Variants in PPP3CA observed in about 807,000 individuals in gnomAD.
PPP3CA encodes protein phosphatase 3 catalytic subunit alpha, also known as CAM-PRP catalytic subunit.
A neutral mutation model predicts 66.5 loss-of-function variants in PPP3CA; 14 were observed. The observed-to-expected ratio is 0.21, with a 90% CI of 0.14 to 0.33. The LOEUF is 0.33. Among genes scored for constraint, PPP3CA ranks in the 10% least tolerant of loss-of-function variants. The pLI is 1.00. For synonymous variants in PPP3CA, 232 were observed against 226.2 expected (o/e 1.03, Z -0.23); for missense variants, 317 against 639.5 (o/e 0.50, Z 5.44).
Position 101,243,623 on chromosome 4 carries a change from G to A in PPP3CA, c.59-47507C>T, listed in dbSNP as rs532100867. 7.2e-5 allele frequency among the ~76,000 whole-genome samples: 11 copies of A among 152,220 alleles called. No homozygotes were observed. The East Asian group carries it at 1.5e-3, about 21-fold the overall frequency. Reference sequence around the variant, plus strand: ...AGAAATGATTTCAAATATATACAAGGATATCCACAGGTTACATGCAAATAC... The same window carrying A: ...AGAAATGATTTCAAATATATACAAGAATATCCACAGGTTACATGCAAATAC... On this transcript the variant is annotated intron_variant, in intron 1 of 13. Transcript: ENST00000394854.
intron 2 of PPP3CA, among the ~76,000 whole-genome samples, chr4:101,160,360 T>C (rs796373357): frequency 4.6e-5 from 7 of 152,236 alleles, no homozygotes; most frequent in African/African-American, 1.7e-4. Flanking sequence ...TTTGCCCCCA[T>C]TTTTTCATCT....
intron 2 of PPP3CA, among the ~76,000 whole-genome samples, chr4:101,167,363 C>G (rs1011799820): frequency 2.0e-5 from 3 of 152,006 alleles, no homozygotes; most frequent in African/African-American, 7.3e-5. Context: ...GTTTTCTTCA[C>G]CTAGACAGCT....
intron 11 of PPP3CA, among the ~76,000 whole-genome samples, chr4:101,033,496 A>T (rs1381158329): frequency 6.6e-6 from 1 of 152,182 alleles, no homozygotes; most frequent in East Asian, 1.9e-4. Context: ...AGAGTAAGGG[A>T]TCACTCTTTA....
chr4:101,077,169 G>A (rs535685953), intron 8 of PPP3CA, among the ~76,000 whole-genome samples: 3 of 152,194 alleles, frequency 2.0e-5, no homozygotes, highest in South Asian at 2.1e-4. Flanking sequence ...TTACAGATAA[G>A]TATGAACTAC....
intron 9 of PPP3CA, among the ~76,000 whole-genome samples, chr4:101,062,852 T>C (rs1728528952): frequency 6.6e-6 from 1 of 151,988 alleles, no homozygotes; most frequent in African/African-American, 2.4e-5. Flanking sequence ...ATCTTTTAAT[T>C]TGGCAGATAA....
intron 6 of PPP3CA, among the ~76,000 whole-genome samples, chr4:101,085,424 A>C (rs994397120): frequency 4.6e-5 from 7 of 152,182 alleles, no homozygotes; most frequent in Admixed American, 4.6e-4. Context: ...TGATACCCTT[A>C]TGTGTTTAAG....
At chr4:101,266,798 TAA>T (rs777983585) in intron 1 of PPP3CA, among the ~76,000 whole-genome samples, 24 of 152,246 alleles carry the variant, frequency 1.6e-4, no homozygotes, top group Non-Finnish European at 2.5e-4. Flanking sequence ...TAAAGAAAAT[TAA>T]GAGAACAGTA....
At chr4:101,310,305 AT>A (rs1728681407) in intron 1 of PPP3CA, among the ~76,000 whole-genome samples, 1 of 152,222 alleles carries the variant, frequency 6.6e-6, no homozygotes, top group African/African-American at 2.4e-5. Context: ...TGACTCACAG[AT>A]ATTATTAATG....
At chr4:101,180,087 G>C (rs967301627) in intron 2 of PPP3CA, among the ~76,000 whole-genome samples, 1 of 152,128 alleles carries the variant, frequency 6.6e-6, no homozygotes, top group African/African-American at 2.4e-5. Flanking sequence ...CCAACATTAA[G>C]AACATGTGGT....
intron 1 of PPP3CA, among the ~76,000 whole-genome samples, chr4:101,216,652 C>T (rs1232704346): frequency 6.6e-6 from 1 of 152,112 alleles, no homozygotes; most frequent in African/African-American, 2.4e-5. Flanking sequence ...ATCCTCCCAC[C>T]TCAGCCTCCT....
chr4:101,137,731 T>A (rs566295778), intron 2 of PPP3CA, among the ~76,000 whole-genome samples: 3 of 152,206 alleles, frequency 2.0e-5, no homozygotes, highest in South Asian at 4.1e-4. Flanking sequence ...CCTACATTAG[T>A]TTTAACTAGC....
chr4:101,154,378 A>C (rs1723241220), intron 2 of PPP3CA, among the ~76,000 whole-genome samples: 1 of 152,226 alleles, frequency 6.6e-6, no homozygotes, highest in Non-Finnish European at 1.5e-5. Flanking sequence ...CAGTATCAAA[A>C]TTTAAAATTA....
chr4:101,061,193 G>C (rs780211627), intron 9 of PPP3CA, 32 bp from the exon 10 acceptor site: 10 of 1,577,514 alleles, frequency 6.3e-6, no homozygotes, highest in Non-Finnish European at 8.7e-6. Context: ...AGAAAAGTCA[G>C]GGTTTTCTGT....
At chr4:101,221,436 AGTTT>A (rs1279743027) in intron 1 of PPP3CA, among the ~76,000 whole-genome samples, 1 of 128,730 alleles carries the variant, frequency 7.8e-6, no homozygotes, top group African/African-American at 2.8e-5. Flanking sequence ...ATCACTTAAA[AGTTT>A]GTTTAAAATA....
At chr4:101,130,653 T>C (rs111293545) in intron 2 of PPP3CA, among the ~76,000 whole-genome samples, 2,128 of 151,798 alleles carry the variant, frequency 0.014, 48 homozygotes, top group Middle Eastern at 0.044. Flanking sequence ...GCCTCATAAA[T>C]GAAGGAGAAA....
At chr4:101,335,632 T>C (rs1729605217) in intron 1 of PPP3CA, among the ~76,000 whole-genome samples, 1 of 152,086 alleles carries the variant, frequency 6.6e-6, no homozygotes, top group African/African-American at 2.4e-5. Flanking sequence ...GGAATTTCAA[T>C]GGGAAAGGCA....
chr4:101,118,299 A>G lies in PPP3CA; in HGVS notation c.260-9221T>C, dbSNP rs545173584. On this transcript the variant is annotated intron_variant, in intron 2 of 13. Coordinates refer to ENST00000394854, the MANE Select transcript of PPP3CA (RefSeq NM_000944.5). ...TTCCAAAGCCAATTTCCACCACCCA[A>G]TCAGCTGAGTGACCCTGGAGAATCA... Among the ~76,000 whole-genome samples the G allele has an allele frequency of 3.3e-5, 5 of 152,102 alleles. No homozygotes were observed. The South Asian group carries it at 1.0e-3, about 32-fold the overall frequency.
At chr4:101,204,632 T>C (rs1400429333) in intron 1 of PPP3CA, among the ~76,000 whole-genome samples, 16 of 60,328 alleles carry the variant, frequency 2.7e-4, no homozygotes, top group African/African-American at 1.1e-3. Context: ...CAGGACTCCA[T>C]CTCAAAAAAA....
At chr4:101,183,469 T>C (rs1163256722) in intron 2 of PPP3CA, among the ~76,000 whole-genome samples, 1 of 152,136 alleles carries the variant, frequency 6.6e-6, no homozygotes, top group Non-Finnish European at 1.5e-5. Context: ...TTAGAAAGAA[T>C]AGAAACTAGA....
Sources: allele counts gnomAD v4.1 joint callset (sites outside exome capture counted in the v4.1 genomes callset), GRCh38; gene constraint gnomAD v4.1.1; transcripts MANE v1.5; gene names NCBI Gene and HGNC (gene_info 2026-07-23, HGNC 2026-07-21).